The following MYBL1 variants were observed in gnomAD, a reference collection of about 807,000 sequenced individuals.
MYBL1 encodes myb-related protein A.
In MYBL1, 17 loss-of-function variants were observed where a neutral mutation model predicts 96.3. The observed-to-expected ratio is 0.18, with a 90% CI of 0.12 to 0.26. The LOEUF is 0.26. MYBL1 is among the 10% of genes least tolerant of loss of function. The pLI is 1.00. For synonymous variants in MYBL1, 282 were observed against 292.7 expected (o/e 0.96, Z 0.37); for missense variants, 701 against 882.9 (o/e 0.79, Z 2.61).
chr8:66,593,161 T>C lies in MYBL1; in HGVS notation c.721A>G (p.Asn241Asp), dbSNP rs1809716939. 1 of 1,589,114 alleles carries C rather than the reference T, an allele frequency of 6.3e-7. No individual in the cohort carries two copies. The highest frequency in any genetic ancestry group is 1.7e-5 in the Admixed American group (1 of 57,820). The stretch of plus-strand genomic sequence containing the variant: ...GTAGGCTGAACATGTTCTATACAAT[T>C]GCCTTCAGGTGACACATACTGATAC... ...PGYQYVSPEGNCIEHVQPTSA... is the reference protein window; with the variant it reads ...PGYQYVSPEGDCIEHVQPTSA... The change falls in exon 7 of 16, where the codon AAT (asparagine) becomes GAT (aspartate). Residue 241 changes from asparagine to aspartate, a missense_variant. Asn to Asp is a conservative substitution (Grantham distance 23). Coordinates refer to ENST00000522677, the MANE Select transcript of MYBL1 (RefSeq NM_001080416.4).
rs148388060 is a variant in MYBL1, at chr8:66,592,542, T to C, written c.765A>G (p.Gln255=). The stretch of plus-strand genomic sequence containing the variant: ...TATCAGGATCTTCATCAATGAAGGG[T>C]TGCTAAAATAAGTTAAATAAAAGAG... ...HVQPTSAFIQ[Q]PFIDEDPDKE... The change falls in exon 8 of 16, where the codon CAA becomes CAG. Residue 255 remains glutamine, a splice_region_variant and synonymous_variant. Transcript: ENST00000522677. The C allele has an allele frequency of 8.5e-4, 1,333 of 1,566,410 alleles. 14 individuals carry two copies. The African/African-American group carries it at 0.016, about 19-fold the overall frequency.
At chr8:66,569,336 TTTC>T (rs1208589892) in intron 12 of MYBL1, among the ~76,000 whole-genome samples, 100 of 151,160 alleles carry the variant, frequency 6.6e-4, no homozygotes, top group African/African-American at 2.3e-3. Flanking sequence ...CGTACCGCAT[TTTC>T]TTTTTTTTTT....
At position 66,562,829 on chromosome 8, in the gene MYBL1, G is replaced by A. The variant is rs1381273086; in HGVS notation, c.*1868C>T. The A allele has an allele frequency of 6.6e-6, 1 of 151,496 alleles. No individual in the cohort carries two copies. The highest frequency in any genetic ancestry group is 1.9e-4 in the East Asian group (1 of 5,164). The allele number at this position is 151,496 out of a possible 1,614,324, so 9.4% of individuals were successfully genotyped here. ...GAAAGCAATCAACATACTTAAACAT[G>A]CTAAGAGGATTCAAATTGGTTTATC... On this transcript the variant is annotated 3_prime_UTR_variant, in exon 16 of 16. Coordinates refer to ENST00000522677, the MANE Select transcript of MYBL1 (RefSeq NM_001080416.4).
At chr8:66,565,993 G>T in intron 15 of MYBL1, 71 bp downstream of exon 15, 1 of 1,001,646 alleles carries the variant, frequency 1.0e-6, no homozygotes, top group Non-Finnish European at 1.4e-6. Context: ...TATAATTTGT[G>T]ATCAGTAAAT....
Position 66,612,792 on chromosome 8 carries a change from G to GACAA in MYBL1, c.20+26_20+27insTTGT, listed in dbSNP as rs772449598. 3 of 1,359,348 alleles carry GACAA rather than the reference G, an allele frequency of 2.2e-6. No individual in the cohort carries two copies. In the African/African-American group the frequency reaches 4.5e-5, roughly 20 times the overall value. 84.2% of individuals were successfully genotyped at this position (1,359,348 alleles called of 1,614,324 possible). A position where few individuals can be genotyped will look rare whatever the true frequency, so the allele number is the denominator to read the frequency against. On this transcript the variant is annotated intron_variant, in intron 1 of 15. Transcript: ENST00000522677. ...AATCTGAGCCGAGACGGCGCCGACA[G>GACAA]GCCTGGGCGAAAGGGGTGCCACCCA...
chr8:66,610,765 G>T (rs1339829582), intron 1 of MYBL1, among the ~76,000 whole-genome samples: 1 of 152,134 alleles, frequency 6.6e-6, no homozygotes, highest in Non-Finnish European at 1.5e-5. Flanking sequence ...GGCAAGAAAT[G>T]TAATTCAGAG....
At position 66,602,527 on chromosome 8, in the gene MYBL1, C is replaced by CA. The variant is rs550620295; in HGVS notation, c.21-5dup. ...AAGGTCATCATCCTCATCCTCACTA[C>CA]AAAAAAAACACAATTTGTGATATCA... On this transcript the variant is annotated splice_polypyrimidine_tract_variant and splice_region_variant and intron_variant, in intron 1 of 15. Transcript: ENST00000522677. 257 of 1,556,812 alleles carry CA rather than the reference C, an allele frequency of 1.7e-4. No homozygotes were observed. The highest frequency in any genetic ancestry group is 6.7e-4 in the East Asian group (29 of 43,576).
At chr8:66,592,195 G>A (rs1230298998) in intron 8 of MYBL1, among the ~76,000 whole-genome samples, 2 of 152,028 alleles carry the variant, frequency 1.3e-5, no homozygotes, top group East Asian at 3.9e-4. Flanking sequence ...AGCCCAGGAG[G>A]TCAAGGCTTC....
At chr8:66,604,003 A>G (rs1810209673) in intron 1 of MYBL1, among the ~76,000 whole-genome samples, 1 of 152,188 alleles carries the variant, frequency 6.6e-6, no homozygotes, top group Non-Finnish European at 1.5e-5. Context: ...GAAAAGTTTT[A>G]AAAAAGAATA....
At chr8:66,598,055 T>C (rs1809923741) in intron 4 of MYBL1, among the ~76,000 whole-genome samples, 1 of 152,186 alleles carries the variant, frequency 6.6e-6, no homozygotes, top group African/African-American at 2.4e-5. Context: ...CCAGCCCACT[T>C]TACCTCACTG....
At chr8:66,571,930 T>C (rs1023887983) in intron 12 of MYBL1, among the ~76,000 whole-genome samples, 17 of 151,296 alleles carry the variant, frequency 1.1e-4, no homozygotes, top group African/African-American at 4.1e-4. Context: ...TGATGTTTTC[T>C]CTAGATGCTA....
Position 66,566,069 on chromosome 8 carries a change from G to A in MYBL1, c.2125C>T (p.Leu709Phe). The A allele has an allele frequency of 2.0e-6, 3 of 1,514,806 alleles. No individual in the cohort carries two copies. Among genetic ancestry groups the A allele is most frequent in the Non-Finnish European group, 2.7e-6 (3 of 1,127,494 alleles). The allele number at this position is 1,514,806 out of a possible 1,614,324, so 93.8% of individuals were successfully genotyped here. Residue 709 changes from leucine to phenylalanine, a missense_variant, in exon 15 of 16, where the codon CTT becomes TTT. By Grantham distance (22) the Leu-to-Phe change is conservative. Coordinates refer to ENST00000522677, the MANE Select transcript of MYBL1 (RefSeq NM_001080416.4). Reference sequence around the variant, plus strand: ...AGAAATTTATAAATCCATACCTGAAGATTCTTTTCCAATTTGACAACTTTG... The same window carrying A: ...AGAAATTTATAAATCCATACCTGAAAATTCTTTTCCAATTTGACAACTTTG... ...TSKVVKLEKNLQSNCEWETVV... is the reference protein window; with the variant it reads ...TSKVVKLEKNFQSNCEWETVV...
intron 9 of MYBL1, 134 bp downstream of exon 9, chr8:66,579,989 CCTAGAAGCCA>C (rs1809134026): frequency 5.1e-6 from 3 of 588,316 alleles, no homozygotes; most frequent in Non-Finnish European, 8.6e-6. Context: ...ACTTTTTTCC[CCTAGAAGCCA>C]CTGCAAAATA....
intron 8 of MYBL1, among the ~76,000 whole-genome samples, chr8:66,582,766 A>G (rs914778557): frequency 6.6e-6 from 1 of 151,716 alleles, no homozygotes; most frequent in Non-Finnish European, 1.5e-5. Context: ...AGGTCAATAT[A>G]TAATGATAAA....
chr8:66,605,546 C>T (rs1457805286), intron 1 of MYBL1, among the ~76,000 whole-genome samples: 2 of 152,138 alleles, frequency 1.3e-5, no homozygotes, highest in African/African-American at 4.8e-5. Flanking sequence ...CAAGGCCAGG[C>T]GCAGTGGCTC....
In MYBL1 at chr8:66,592,449, T is replaced by C; in HGVS notation, c.858A>G (p.Arg286=). The C allele has an allele frequency of 1.3e-6, 2 of 1,584,934 alleles. No homozygotes were observed. Among genetic ancestry groups the C allele is most frequent in the Non-Finnish European group, 1.7e-6 (2 of 1,167,496 alleles). The change falls in exon 8 of 16, where the codon CGA becomes CGG. Residue 286 remains arginine (R), a synonymous_variant. Transcript: ENST00000522677. ...CAAGCTTATTTCTTACTGATGGAAT[T>C]CGCTTTCTTCTAACTTCATTCTCAG... ...MSAENEVRRK[R]IPSQPGSFSS...
Position 66,592,451 on chromosome 8 carries a change from G to A in MYBL1, c.856C>T (p.Arg286Ter). Residue 286 changes from arginine (R) to a stop codon, truncating the protein, a stop_gained, in exon 8 of 16, where the codon CGA (arginine) becomes TGA (stop). Transcript: ENST00000522677. LOFTEE classifies it high-confidence loss of function. The stretch of plus-strand genomic sequence containing the variant: ...AGCTTATTTCTTACTGATGGAATTC[G>A]CTTTCTTCTAACTTCATTCTCAGCT... Reference protein sequence around the residue: ...MSAENEVRRKRIPSQPGSFSS... With the variant: ...MSAENEVRRK 2 of 1,585,872 alleles carry A rather than the reference G, an allele frequency of 1.3e-6. No individual in the cohort carries two copies. Among genetic ancestry groups the A allele is most frequent in the Middle Eastern group, 1.7e-4 (1 of 6,014 alleles).
intron 12 of MYBL1, among the ~76,000 whole-genome samples, chr8:66,568,598 C>G (rs1808606578): frequency 1.3e-5 from 2 of 152,070 alleles, no homozygotes; most frequent in African/African-American, 2.4e-5. Flanking sequence ...CCACCACCCC[C>G]GGTCTCAAAG....
chr8:66,611,597 T>A (rs746576570), intron 1 of MYBL1, among the ~76,000 whole-genome samples: 7 of 152,248 alleles, frequency 4.6e-5, no homozygotes, highest in Non-Finnish European at 8.8e-5. Context: ...TGGTCCAAGA[T>A]GTCAATAGTG....
Sources: gnomAD v4.1 joint callset for allele counts (sites outside exome capture counted in the v4.1 genomes callset) on GRCh38, gnomAD v4.1.1 for gene constraint, MANE v1.5 for transcripts, NCBI Gene and HGNC (gene_info 2026-07-23, HGNC 2026-07-21) for gene names.